SORCS1: variants seen among roughly 807,000 people sequenced by gnomAD.
SORCS1 encodes the protein VPS10 domain-containing receptor SorCS1.
SORCS1 carries 60 observed loss-of-function variants against 146.1 expected under a neutral mutation model. The observed-to-expected ratio is 0.41, with a 90% CI of 0.33 to 0.51. The LOEUF (loss-of-function observed/expected upper bound fraction) is 0.51. SORCS1 is among the 20% of genes least tolerant of loss of function. SORCS1 has a pLI of 0.21. For missense variants in SORCS1, 1,352 were observed against 1,487.6 expected (o/e 0.91, Z 1.50); for synonymous variants, 637 against 584.0 (o/e 1.09, Z -1.31).
At chr10:107,032,236 G>C (rs1657750607) in intron 1 of SORCS1, among the ~76,000 whole-genome samples, 1 of 152,072 alleles carries the variant, frequency 6.6e-6, no homozygotes, top group African/African-American at 2.4e-5. Flanking sequence ...CAATTAACAG[G>C]CATCAGCTGG....
rs750470191 is a variant in SORCS1 at position 106,618,165 on chromosome 10, C to T, written c.2904G>A (p.Lys968=). 2.5e-6 allele frequency: 4 copies of T among 1,614,070 alleles called. No individual in the cohort carries two copies. The highest frequency in any genetic ancestry group is 3.4e-6 in the Non-Finnish European group (4 of 1,179,962). ...SAGNAILQDT[K]TIAVYEEFRS... ...GGCACTCACCATATACTGCGATGGT[C>T]TTTGTGTCTTGTAGGATGGCATTCC... Residue 968 remains lysine, a synonymous_variant, in exon 21 of 26, where the codon AAG becomes AAA. Coordinates refer to ENST00000263054, the MANE Select transcript of SORCS1 (RefSeq NM_052918.5).
At chr10:106,691,457 G>A (rs1853288359) in intron 9 of SORCS1, among the ~76,000 whole-genome samples, 1 of 152,166 alleles carries the variant, frequency 6.6e-6, no homozygotes, top group Admixed American at 6.5e-5. Flanking sequence ...CATCTCAAAA[G>A]TAATTAATAG....
intron 3 of SORCS1, among the ~76,000 whole-genome samples, chr10:106,813,083 G>C (rs1297500298): frequency 6.6e-6 from 1 of 150,504 alleles, no homozygotes; most frequent in East Asian, 2.0e-4. Flanking sequence ...CCACAGATAA[G>C]TGAGTAGGAC....
chr10:107,077,770 C>T (rs1038758514), intron 1 of SORCS1, among the ~76,000 whole-genome samples: 2 of 151,950 alleles, frequency 1.3e-5, no homozygotes, highest in Non-Finnish European at 2.9e-5. Flanking sequence ...AACCACTATG[C>T]TTTGCTGCCT....
chr10:106,966,075 G>T (rs1185927467), intron 1 of SORCS1, among the ~76,000 whole-genome samples: 1 of 152,218 alleles, frequency 6.6e-6, no homozygotes. Flanking sequence ...CGGATCAGGG[G>T]TTCCTGACAG....
chr10:107,117,431 A>C (rs1250861162), intron 1 of SORCS1, among the ~76,000 whole-genome samples: 1 of 152,178 alleles, frequency 6.6e-6, no homozygotes, highest in African/African-American at 2.4e-5. Context: ...CTTTGCTCTC[A>C]ACAGGCCAGA....
rs546363125 is a variant in SORCS1 at position 106,864,330 on chromosome 10, G to A, written c.627-34657C>T. ...AACCTCCCCCGCCCAGGGAAGCAGC[G>A]GGTGAGTGTGTGACTCTGGGAACCC... On this transcript the variant is annotated intron_variant, in intron 2 of 25. Transcript: ENST00000263054. Among the ~76,000 whole-genome samples the A allele has an allele frequency of 1.9e-4, 29 of 152,214 alleles. No homozygotes were observed. The South Asian group carries it at 3.9e-3, about 21-fold the overall frequency.
chr10:106,775,086 G>A (rs1230781233), intron 4 of SORCS1, among the ~76,000 whole-genome samples: 1 of 152,178 alleles, frequency 6.6e-6, no homozygotes, highest in Admixed American at 6.5e-5. Flanking sequence ...GGAACGAAAG[G>A]GTTACATATT....
intron 22 of SORCS1, among the ~76,000 whole-genome samples, chr10:106,610,828 C>T (rs1319348174): frequency 6.6e-6 from 1 of 152,150 alleles, no homozygotes; most frequent in African/African-American, 2.4e-5. Context: ...CCTGTAATCC[C>T]AACACTTTGG....
chr10:106,839,956 C>A (rs931602025), intron 2 of SORCS1, among the ~76,000 whole-genome samples: 2 of 152,260 alleles, frequency 1.3e-5, no homozygotes, highest in East Asian at 3.9e-4. Flanking sequence ...TAAAAAGATT[C>A]CTTTCAAAAT....
rs188894866 is a variant in SORCS1, at chr10:107,124,010, C to T, written c.558+39959G>A. Among the ~76,000 whole-genome samples, 15 of 151,462 alleles carry T rather than the reference C, an allele frequency of 9.9e-5. No individual in the cohort carries two copies. In the East Asian group the frequency reaches 2.9e-3, roughly 29 times the overall value. On this transcript the variant is annotated intron_variant, in intron 1 of 25. Transcript: ENST00000263054. ...GCTGAGGCAGGAGAATGGCATGAAC[C>T]TGGGAGGCGGAGCTTGCAGTGAGCC... is the stretch of plus-strand genomic sequence containing the variant.
chr10:106,773,776 C>T (rs970600525), intron 4 of SORCS1, among the ~76,000 whole-genome samples: 5 of 152,000 alleles, frequency 3.3e-5, no homozygotes, highest in African/African-American at 7.2e-5. Flanking sequence ...GGCGAAACCC[C>T]GTCTCTACTA....
At chr10:106,782,654 T>C (rs182915857) in intron 3 of SORCS1, among the ~76,000 whole-genome samples, 153 of 152,338 alleles carry the variant, frequency 1.0e-3, no homozygotes, top group Middle Eastern at 6.8e-3. Context: ...GTATAGGACA[T>C]CTCTTCTTAT....
Position 106,730,053 on chromosome 10 carries a change from C to A in SORCS1, c.1021G>T (p.Gly341Cys). The change falls in exon 6 of 26, where the codon GGT becomes TGT. Residue 341 changes from glycine to cysteine, a missense_variant. By Grantham distance (159) the Gly-to-Cys change is radical. This residue lies in a region of SORCS1 where 490 missense variants were observed against 489.1 expected (regional missense o/e 1.00). Coordinates refer to ENST00000263054, the MANE Select transcript of SORCS1 (RefSeq NM_052918.5). ...LVHLEARTVD[G>C]HSHYLTCRMQ... ...GCGGCAAAGTTGATTTACTTACGAC[C>A]ATCCACAGTTCTGGCCTCAAGATGC... 6.2e-7 allele frequency: 1 copy of A among 1,614,110 alleles called. No individual in the cohort carries two copies. Among genetic ancestry groups the A allele is most frequent in the Non-Finnish European group, 8.5e-7 (1 of 1,179,998 alleles).
chr10:106,894,576 G>A (rs1951390683), intron 2 of SORCS1, among the ~76,000 whole-genome samples: 2 of 152,124 alleles, frequency 1.3e-5, no homozygotes, highest in Non-Finnish European at 2.9e-5. Flanking sequence ...AGAGTTATAA[G>A]TGCTGTGTGG....
rs145837135 is a variant in SORCS1 at position 106,699,354 on chromosome 10, C to T, written c.1273G>A (p.Ala425Thr). The change falls in exon 9 of 26, where the codon GCA becomes ACA. Residue 425 changes from alanine (A) to threonine (T), a missense_variant. Coordinates refer to ENST00000263054, the MANE Select transcript of SORCS1 (RefSeq NM_052918.5). Reference sequence around the variant, plus strand: ...TTCTGGTTCCATTCTTGGACCGCTGCGAACACCTGATTCTCATCGGTGCTG... The same window carrying T: ...TTCTGGTTCCATTCTTGGACCGCTGTGAACACCTGATTCTCATCGGTGCTG... ...VISTDENQVF[A>T]AVQEWNQNDT... 807 of 1,613,574 alleles carry T rather than the reference C, an allele frequency of 5.0e-4. 9 individuals are homozygous for T. In the East Asian group the frequency reaches 0.016, roughly 32 times the overall value.
At chr10:106,957,026 G>C (rs2149197) in intron 1 of SORCS1, among the ~76,000 whole-genome samples, 64,077 of 152,006 alleles carry the variant, frequency 0.42, 16,792 homozygotes, top group Non-Finnish European at 0.58. Flanking sequence ...AGACAGCAAA[G>C]AATTATTTGA....
intron 5 of SORCS1, among the ~76,000 whole-genome samples, chr10:106,742,364 T>C (rs902018094): frequency 4.0e-5 from 6 of 151,244 alleles, no homozygotes; most frequent in Non-Finnish European, 8.8e-5. Context: ...CTTGTACATA[T>C]AGCCAGAAGA....
chr10:106,706,539 C>T lies in SORCS1; in HGVS notation c.1233+6G>A, dbSNP rs753094538. 1.9e-6 allele frequency: 3 copies of T among 1,613,742 alleles called. No individual in the cohort carries two copies. The highest frequency in any genetic ancestry group is 1.6e-4 in the Middle Eastern group (1 of 6,062). On this transcript the variant is annotated splice_donor_region_variant and intron_variant, in intron 8 of 25. Transcript: ENST00000263054. ...AGTGAAATGAAGAAAGTGATTTAGG[C>T]CATACCTTGGGCAAAGCATATTTCG...
Sources: gnomAD v4.1 joint callset for allele counts (sites outside exome capture counted in the v4.1 genomes callset) on GRCh38, gnomAD v4.1.1 for gene constraint, gnomAD v4.1.1 regional missense constraint, MANE v1.5 for transcripts, NCBI Gene and HGNC (gene_info 2026-07-23, HGNC 2026-07-21) for gene names.